SLC35D1: variants seen among roughly 807,000 people sequenced by gnomAD.
SLC35D1 encodes the protein solute carrier family 35 member D1.
SLC35D1 carries 31 observed loss-of-function variants against 46.7 expected under a neutral mutation model. The observed-to-expected ratio is 0.66, with a 90% CI of 0.50 to 0.90. SLC35D1 has a LOEUF of 0.90. Ranked by LOEUF, SLC35D1 falls within the 40% of genes least tolerant of loss-of-function variation. The pLI is 0.00. For missense variants in SLC35D1, 397 were observed against 426.2 expected, an observed-to-expected ratio of 0.93 and a Z score of 0.60; for synonymous variants, 195 against 164.6, an observed-to-expected ratio of 1.18 and a Z score of -1.41.
At chr1:67,046,602 G>A (rs1326991812) in intron 7 of SLC35D1, among the ~76,000 whole-genome samples, 1 of 152,130 alleles carries the variant, frequency 6.6e-6, no homozygotes, top group African/African-American at 2.4e-5. Context: ...GCCACCCTAG[G>A]ATATATAAAG....
chr1:67,013,177 T>A lies in SLC35D1; in HGVS notation c.877-4010A>T, dbSNP rs911196087. 3.6e-3 allele frequency among the ~76,000 whole-genome samples: 524 copies of A among 145,736 alleles called. 30 individuals are homozygous for A. The highest frequency in any genetic ancestry group is 0.013 in the African/African-American group (500 of 38,532). ...CTGGAGATATATATATATCCTGTTC[T>A]TAAATTTTTTTTCAGTAGACTAAAA... On this transcript the variant is annotated intron_variant, in intron 10 of 11. Coordinates refer to ENST00000235345, the MANE Select transcript of SLC35D1 (RefSeq NM_015139.3).
At chr1:67,052,191 C>T (rs375580785) in intron 3 of SLC35D1, 112 bp from the exon 4 acceptor site, 3 of 772,470 alleles carry the variant, frequency 3.9e-6, no homozygotes, top group East Asian at 2.6e-5. Flanking sequence ...CCACTTAAAA[C>T]GTAAAATTAG....
At position 67,009,158 on chromosome 1, in the gene SLC35D1, T is replaced by C. The variant is rs953689589; in HGVS notation, c.886A>G (p.Ile296Val). The C allele has an allele frequency of 4.5e-6, 6 of 1,334,828 alleles. No individual in the cohort carries two copies. Among genetic ancestry groups the C allele is most frequent in the African/African-American group, 4.4e-5 (3 of 68,502 alleles). The allele number at this position is 1,334,828 out of a possible 1,614,324, so 82.7% of individuals were successfully genotyped here. A position where few individuals can be genotyped will look rare whatever the true frequency, so the allele number is the denominator to read the frequency against. The change falls in exon 11 of 12, where the codon ATA (isoleucine) becomes GTA (valine). Residue 296 changes from isoleucine to valine, a missense_variant. By Grantham distance (29) the Ile-to-Val change is conservative. Coordinates refer to ENST00000235345, the MANE Select transcript of SLC35D1 (RefSeq NM_015139.3). The part of the protein sequence containing the change: ...TIVGCIKNIL[I>V]TYIGMVFGGD... ...CCAAAGACCATTCCAATATAAGTTATTAATATATTCTAAAAATAAAAATAG... is the reference window on the plus strand; with the variant it reads ...CCAAAGACCATTCCAATATAAGTTACTAATATATTCTAAAAATAAAAATAG...
the SLC35D1 span, chr1:66,986,595 C>G: frequency 1.3e-6 from 1 of 792,448 alleles, no homozygotes; most frequent in African/African-American, 1.7e-5. Flanking sequence ...TATGTTCGGA[C>G]TGCTTCCCTT....
At chr1:67,044,591 CT>C (rs1645231082) in intron 7 of SLC35D1, among the ~76,000 whole-genome samples, 1 of 152,188 alleles carries the variant, frequency 6.6e-6, no homozygotes, top group South Asian at 2.1e-4. Context: ...CAAAACAGTG[CT>C]TCTCACTCGA....
At chr1:67,016,367 C>T (rs890979961) in intron 10 of SLC35D1, among the ~76,000 whole-genome samples, 11 of 151,920 alleles carry the variant, frequency 7.2e-5, no homozygotes, top group African/African-American at 2.2e-4. Context: ...GCTTCTTCTT[C>T]GGAGAAATTA....
chr1:66,990,222 G>T, the SLC35D1 span, among the ~76,000 whole-genome samples: 4 of 152,256 alleles, frequency 2.6e-5, no homozygotes, highest in South Asian at 8.3e-4. Context: ...GTGTTTAGTA[G>T]ACAAATGTTT....
chr1:66,973,993 T>C, the SLC35D1 span, among the ~76,000 whole-genome samples: 1 of 152,252 alleles, frequency 6.6e-6, no homozygotes, highest in South Asian at 2.1e-4. Flanking sequence ...GTTGATTTTT[T>C]TGACACATAT....
chr1:66,984,334 A>C, the SLC35D1 span, among the ~76,000 whole-genome samples: 2 of 152,210 alleles, frequency 1.3e-5, no homozygotes, highest in African/African-American at 4.8e-5. Context: ...AATTTTCACA[A>C]CAACCCTGTG....
chr1:67,014,756 T>C (rs1160344689), intron 10 of SLC35D1, among the ~76,000 whole-genome samples: 1 of 126,488 alleles, frequency 7.9e-6, no homozygotes, highest in African/African-American at 3.0e-5. Context: ...GTCACAGAAC[T>C]GTTACTTCTA....
the SLC35D1 span, among the ~76,000 whole-genome samples, chr1:66,977,654 A>G: frequency 1.3e-5 from 2 of 152,332 alleles, no homozygotes; most frequent in Admixed American, 6.5e-5. Context: ...GGAGTGAAAC[A>G]TTCCACTACC....
the SLC35D1 span, among the ~76,000 whole-genome samples, chr1:66,975,656 A>G: frequency 1.3e-5 from 2 of 152,218 alleles, no homozygotes; most frequent in Non-Finnish European, 2.9e-5. Context: ...ACAAAAAGGA[A>G]TTCTGTCAGC....
chr1:67,050,641 C>T (rs1645299856), intron 4 of SLC35D1, 137 bp from the exon 5 acceptor site: 1 of 723,572 alleles, frequency 1.4e-6, no homozygotes, highest in African/African-American at 1.8e-5. Context: ...GGTTAAACCC[C>T]TGCTTCTCTC....
chr1:67,045,664 A>C (rs1645244543), intron 7 of SLC35D1, among the ~76,000 whole-genome samples: 1 of 152,124 alleles, frequency 6.6e-6, no homozygotes, highest in Non-Finnish European at 1.5e-5. Flanking sequence ...TTTTTTCTAG[A>C]TTCTAGGATA....
chr1:67,040,767 GCT>G (rs1668227055), intron 8 of SLC35D1, among the ~76,000 whole-genome samples: 1 of 152,142 alleles, frequency 6.6e-6, no homozygotes, highest in African/African-American at 2.4e-5. Flanking sequence ...CATACAAATT[GCT>G]CTCTTAGTCC....
chr1:66,998,262 G>C (rs2102213044), downstream of SLC35D1, among the ~76,000 whole-genome samples: 1 of 152,254 alleles, frequency 6.6e-6, no homozygotes, highest in East Asian at 1.9e-4. Context: ...TCGGAGGCAG[G>C]TGGATCACCT....
At chr1:67,017,893 T>C (rs531381094) in intron 10 of SLC35D1, among the ~76,000 whole-genome samples, 193 of 152,164 alleles carry the variant, frequency 1.3e-3, no homozygotes, top group Middle Eastern at 3.4e-3. Context: ...TCTAGATTTG[T>C]TTTTTCACTT....
chr1:67,006,942 T>C (rs2102232094), intron 11 of SLC35D1, among the ~76,000 whole-genome samples: 1 of 152,348 alleles, frequency 6.6e-6, no homozygotes, highest in South Asian at 2.1e-4. Context: ...ATGTTCAATC[T>C]ACACTAGCTA....
intron 9 of SLC35D1, among the ~76,000 whole-genome samples, chr1:67,021,123 A>G (rs1667788945): frequency 6.6e-6 from 1 of 152,208 alleles, no homozygotes; most frequent in Non-Finnish European, 1.5e-5. Flanking sequence ...TAACCTCTAC[A>G]TATTCTCTCC....
Sources: allele counts gnomAD v4.1 joint callset (sites outside exome capture counted in the v4.1 genomes callset), GRCh38; gene constraint gnomAD v4.1.1; transcripts MANE v1.5; gene names NCBI Gene and HGNC (gene_info 2026-07-23, HGNC 2026-07-21).